SEPTIN10: variants seen among roughly 807,000 people sequenced by gnomAD.
SEPTIN10 encodes the protein septin-10.
SEPTIN10 carries 66 observed loss-of-function variants against 54.8 expected under a neutral mutation model. That is an observed-to-expected ratio of 1.21 (90% CI 0.99 to 1.48). The LOEUF is 1.48. SEPTIN10 is among the 40% of genes most tolerant of loss of function. SEPTIN10 has a pLI of 0.00. For synonymous variants in SEPTIN10, 161 were observed against 181.0 expected (o/e 0.89, Z 0.89); for missense variants, 620 against 545.6 (o/e 1.14, Z -1.36).
intron 1 of SEPTIN10, 137 bp downstream of exon 1, chr2:109,613,661 G>C (rs1014655768): frequency 3.6e-6 from 2 of 551,674 alleles, no homozygotes; most frequent in Admixed American, 4.8e-5. Flanking sequence ...GGAAGCCGGG[G>C]AGCACTGGGC....
intron 8 of SEPTIN10, among the ~76,000 whole-genome samples, chr2:109,553,588 C>T (rs150583166): frequency 0.048 from 7,168 of 148,950 alleles, 481 homozygotes; most frequent in African/African-American, 0.16. Context: ...CCTGGTGGCT[C>T]ACGCCTGTAA....
At chr2:109,606,324 A>G (rs544048797) in intron 1 of SEPTIN10, among the ~76,000 whole-genome samples, 26 of 152,286 alleles carry the variant, frequency 1.7e-4, no homozygotes, top group African/African-American at 5.5e-4. Context: ...CTGAGGCAGG[A>G]GAATCGTTTG....
chr2:109,570,526 G>GT lies in SEPTIN10; in HGVS notation c.601-2551_601-2550insA, dbSNP rs1688104049. 4.2e-5 allele frequency among the ~76,000 whole-genome samples: 5 copies of GT among 118,290 alleles called. No homozygotes were observed. The South Asian group carries it at 1.4e-3, about 34-fold the overall frequency. 77.6% of individuals were successfully genotyped at this position (118,290 alleles called of 152,430 possible). On this transcript the variant is annotated intron_variant, in intron 5 of 10. Coordinates refer to ENST00000397712, the MANE Select transcript of SEPTIN10 (RefSeq NM_144710.5). ...TTGACATAGCATTTACATTGTATCA[G>GT]GTTTTTTTTTTTTTCCAAGACGGAG...
chr2:109,566,510 T>C (rs147181283), intron 6 of SEPTIN10, among the ~76,000 whole-genome samples: 104 of 152,304 alleles, frequency 6.8e-4, no homozygotes, highest in African/African-American at 2.4e-3. Flanking sequence ...ACCCACAGTA[T>C]ACAAAATGTA....
At chr2:109,578,340 A>G (rs920736556) in intron 4 of SEPTIN10, among the ~76,000 whole-genome samples, 1 of 152,234 alleles carries the variant, frequency 6.6e-6, no homozygotes, top group Admixed American at 6.5e-5. Flanking sequence ...GGACTGAAAA[A>G]CTACACCAAA....
At chr2:109,613,661 G>A (rs1014655768) in intron 1 of SEPTIN10, 137 bp downstream of exon 1, 1 of 551,780 alleles carries the variant, frequency 1.8e-6, no homozygotes, top group Non-Finnish European at 2.6e-6. Flanking sequence ...GGAAGCCGGG[G>A]AGCACTGGGC....
chr2:109,552,529 GGAGT>G (rs1457319560), intron 9 of SEPTIN10: 13 of 152,454 alleles, frequency 8.5e-5, no homozygotes, highest in African/African-American at 3.1e-4. Context: ...CTCAGTCAAA[GGAGT>G]GAGATGACAA....
chr2:109,589,102 G>T lies in SEPTIN10; in HGVS notation c.100-3264C>A, dbSNP rs111601520. 9.9e-3 allele frequency among the ~76,000 whole-genome samples: 1,503 copies of T among 151,948 alleles called. 33 individuals carry two copies. Among genetic ancestry groups the T allele is most frequent in the African/African-American group, 0.035 (1,436 of 41,444 alleles). Reference sequence around the variant, plus strand: ...CCACCACGCCTGGGTAATTTTTGTGGTTTTTTTGTTTGTTTGTTTGTTGTT... The same window carrying T: ...CCACCACGCCTGGGTAATTTTTGTGTTTTTTTTGTTTGTTTGTTTGTTGTT... On this transcript the variant is annotated intron_variant, in intron 2 of 10. Transcript: ENST00000397712.
chr2:109,545,500 T>A, intron 10 of SEPTIN10: 1 of 1,536,200 alleles, frequency 6.5e-7, no homozygotes, highest in Non-Finnish European at 8.7e-7. Context: ...TTTCACAAGC[T>A]CTGACATCAA....
chr2:109,607,826 G>A (rs1194005416), intron 1 of SEPTIN10, among the ~76,000 whole-genome samples: 1 of 152,070 alleles, frequency 6.6e-6, no homozygotes, highest in Non-Finnish European at 1.5e-5. Context: ...TGATTCCCAG[G>A]ATCTCCCTAG....
At chr2:109,579,120 T>C (rs940345740) in intron 4 of SEPTIN10, among the ~76,000 whole-genome samples, 2 of 152,122 alleles carry the variant, frequency 1.3e-5, no homozygotes, top group African/African-American at 4.8e-5. Flanking sequence ...ATGAAGACAA[T>C]AAAAAGATAT....
At chr2:109,603,884 G>A (rs927105280) in intron 1 of SEPTIN10, among the ~76,000 whole-genome samples, 15 of 152,066 alleles carry the variant, frequency 9.9e-5, no homozygotes, top group South Asian at 6.2e-4. Flanking sequence ...ATTTTAAGCC[G>A]GGCACGGTGG....
At chr2:109,583,841 A>G (rs570663060) in intron 4 of SEPTIN10, among the ~76,000 whole-genome samples, 9 of 152,306 alleles carry the variant, frequency 5.9e-5, no homozygotes, top group Admixed American at 2.6e-4. Flanking sequence ...TTGTACCAAC[A>G]TGGATGAAGC....
At chr2:109,552,940 A>G in intron 9 of SEPTIN10, 147 bp downstream of exon 9, 1 of 891,948 alleles carries the variant, frequency 1.1e-6, no homozygotes, top group Admixed American at 2.6e-5. Flanking sequence ...TTCTAAGTCA[A>G]TATTCAAATA....
intron 1 of SEPTIN10, among the ~76,000 whole-genome samples, chr2:109,600,984 T>C (rs1246921482): frequency 6.6e-6 from 1 of 152,128 alleles, no homozygotes; most frequent in African/African-American, 2.4e-5. Context: ...GGGGCTTCTG[T>C]CCCCATGGAG....
intron 5 of SEPTIN10, among the ~76,000 whole-genome samples, chr2:109,573,417 C>A (rs555115480): frequency 6.6e-6 from 1 of 152,288 alleles, no homozygotes; most frequent in East Asian, 1.9e-4. Context: ...TATAATCAGA[C>A]TCAACTATGA....
chr2:109,592,930 T>A (rs766525264), intron 2 of SEPTIN10, 121 bp downstream of exon 2: 17 of 514,794 alleles, frequency 3.3e-5, no homozygotes, highest in Admixed American at 1.2e-4. Context: ...TTAATTCACG[T>A]TGGAGGTAAG....
At chr2:109,613,760 G>A (rs1487566893) in intron 1 of SEPTIN10, 38 bp downstream of exon 1, 7 of 1,197,684 alleles carry the variant, frequency 5.8e-6, no homozygotes, top group Non-Finnish European at 6.3e-6. Flanking sequence ...GGGGGCCGGG[G>A]AGCGCGGGGC....
At position 109,544,177 on chromosome 2, in the gene SEPTIN10, A is replaced by G; in HGVS notation, c.*132T>C. 3.1e-6 allele frequency: 5 copies of G among 1,588,228 alleles called. No homozygotes were observed. Among genetic ancestry groups the G allele is most frequent in the Non-Finnish European group, 4.3e-6 (5 of 1,167,522 alleles). On this transcript the variant is annotated 3_prime_UTR_variant, in exon 11 of 11. Coordinates refer to ENST00000397712, the MANE Select transcript of SEPTIN10 (RefSeq NM_144710.5). Reference sequence around the variant, plus strand: ...TACTTGAAAGTACTTTTCCATAAATATCAGTAACTGTGGCTGTTCACCAAA... The same window carrying G: ...TACTTGAAAGTACTTTTCCATAAATGTCAGTAACTGTGGCTGTTCACCAAA...
Sources: gnomAD v4.1 joint callset for allele counts (sites outside exome capture counted in the v4.1 genomes callset) on GRCh38, gnomAD v4.1.1 for gene constraint, MANE v1.5 for transcripts, NCBI Gene and HGNC (gene_info 2026-07-23, HGNC 2026-07-21) for gene names.